CPNE7: variants seen among roughly 807,000 people sequenced by gnomAD.
CPNE7 encodes copine 7.
In CPNE7, 78 loss-of-function variants were observed where a neutral mutation model predicts 66.5. That is an observed-to-expected ratio of 1.17 (90% CI 0.98 to 1.42). The LOEUF (loss-of-function observed/expected upper bound fraction) is 1.42. Among genes scored for constraint, CPNE7 ranks in the 40% most tolerant of loss-of-function variants. The pLI is 0.00. For synonymous variants in CPNE7, 468 were observed against 336.7 expected (o/e 1.39, Z -4.27); for missense variants, 1,012 against 776.6 (o/e 1.30, Z -3.60).
intron 2 of CPNE7, among the ~76,000 whole-genome samples, chr16:89,578,276 G>A (rs1385326437): frequency 6.6e-6 from 1 of 151,876 alleles, no homozygotes; most frequent in Non-Finnish European, 1.5e-5. Flanking sequence ...TGTTGGTCAG[G>A]CTGCTCTTGA....
rs573586264 is a variant in CPNE7, at chr16:89,580,055, G to A, written c.357+2334G>A. Among the ~76,000 whole-genome samples the A allele has an allele frequency of 1.2e-3, 54 of 44,108 alleles. 4 individuals carry two copies. Among genetic ancestry groups the A allele is most frequent in the African/African-American group, 2.4e-3 (41 of 17,262 alleles). The allele number at this position is 44,108 out of a possible 152,430, so 28.9% of individuals were successfully genotyped here. A position where few individuals can be genotyped will look rare whatever the true frequency, so the allele number is the denominator to read the frequency against. On this transcript the variant is annotated intron_variant, in intron 2 of 14. Coordinates refer to ENST00000319518, the MANE Select transcript of CPNE7 (RefSeq NM_153636.3). ...CCCGCTGACACGGAACATCTCACCCGTCACACGGAACATCCCATCACCTGC... is the reference window on the plus strand; with the variant it reads ...CCCGCTGACACGGAACATCTCACCCATCACACGGAACATCCCATCACCTGC...
intron 9 of CPNE7, 22 bp downstream of exon 9, chr16:89,587,124 A>AGTCCG (rs2059056983): frequency 1.9e-6 from 2 of 1,033,210 alleles, no homozygotes; most frequent in South Asian, 1.9e-5. Context: ...GCCCCGCCCC[A>AGTCCG]TGCCGCCCCC....
Position 89,596,495 on chromosome 16 carries a change from G to T in CPNE7, c.1551G>T (p.Ala517=), listed in dbSNP as rs150709771. The T allele has an allele frequency of 1.9e-6, 3 of 1,608,230 alleles. No homozygotes were observed. The Admixed American group carries it at 5.0e-5, about 27-fold the overall frequency. ...PFRELKNASP[A]ALAKCVLAEV... ...GTCCCATCCTCCAGGCATCCCCTGC[G>T]GCGCTGGCCAAGTGCGTGCTGGCCG... The change falls in exon 15 of 15, where the codon GCG becomes GCT. Residue 517 remains alanine, a synonymous_variant. Transcript: ENST00000319518.
intron 2 of CPNE7, among the ~76,000 whole-genome samples, chr16:89,582,941 C>T (rs993948215): frequency 1.2e-4 from 19 of 152,376 alleles, no homozygotes; most frequent in African/African-American, 4.1e-4. Flanking sequence ...CTTTCGGACA[C>T]GGAGCCTGGG....
intron 14 of CPNE7, 90 bp downstream of exon 14, chr16:89,595,693 A>C: frequency 8.6e-7 from 1 of 1,158,406 alleles, no homozygotes; most frequent in Non-Finnish European, 1.3e-6. Flanking sequence ...GGCTCACGCC[A>C]GTGGATGTGG....
rs112788276 is a variant in CPNE7, at chr16:89,580,409, C to T, written c.357+2688C>T. Among the ~76,000 whole-genome samples, 102 of 126,304 alleles carry T rather than the reference C, an allele frequency of 8.1e-4. 3 individuals carry two copies. The highest frequency in any genetic ancestry group is 1.0e-3 in the Non-Finnish European group (60 of 59,842). 82.9% of individuals were successfully genotyped at this position (126,304 alleles called of 152,430 possible). ...ATGGAACATCCCATCACCCGTCACA[C>T]GGAACATCCCATCACCCATCACACA... is the stretch of plus-strand genomic sequence containing the variant. On this transcript the variant is annotated intron_variant, in intron 2 of 14. Coordinates refer to ENST00000319518, the MANE Select transcript of CPNE7 (RefSeq NM_153636.3).
intron 2 of CPNE7, chr16:89,583,495 G>T: frequency 6.4e-7 from 1 of 1,555,920 alleles, no homozygotes; most frequent in Non-Finnish European, 8.7e-7. Context: ...TGAGGTGGTG[G>T]ACGTGCAGGG....
At chr16:89,583,464 C>T in intron 2 of CPNE7, 1 of 1,550,808 alleles carries the variant, frequency 6.4e-7, no homozygotes, top group East Asian at 2.4e-5. Flanking sequence ...CTCTGCCTCC[C>T]CTGGGCGACT....
rs2059242775 is a variant in CPNE7, at chr16:89,595,617, A to C, written c.1539+14A>C. 6.3e-7 allele frequency: 1 copy of C among 1,591,824 alleles called. No homozygotes were observed. The highest frequency in any genetic ancestry group is 1.1e-5 in the South Asian group (1 of 89,644). ...GAGCTCAAGAACGTGAGTGTCCTGG[A>C]GGGGCTCCGTCAAGGCCGGCTTGGG... On this transcript the variant is annotated intron_variant, in intron 14 of 14. Transcript: ENST00000319518.
chr16:89,582,001 A>C (rs2058964981), intron 2 of CPNE7, among the ~76,000 whole-genome samples: 1 of 152,226 alleles, frequency 6.6e-6, no homozygotes, highest in African/African-American at 2.4e-5. Context: ...CGTGCAGGAC[A>C]TCCTATGCCT....
chr16:89,580,124 C>T lies in CPNE7; in HGVS notation c.357+2403C>T, dbSNP rs373882541. Reference sequence around the variant, plus strand: ...CCATCACACAGAACATCCCGTCACCCGCTGACACAGAACATCTCACCCGTC... The same window carrying T: ...CCATCACACAGAACATCCCGTCACCTGCTGACACAGAACATCTCACCCGTC... On this transcript the variant is annotated intron_variant, in intron 2 of 14. Coordinates refer to ENST00000319518, the MANE Select transcript of CPNE7 (RefSeq NM_153636.3). Among the ~76,000 whole-genome samples the T allele has an allele frequency of 9.3e-5, 5 of 53,658 alleles. 1 individual carries two copies. In the East Asian group the frequency reaches 1.4e-3, roughly 15 times the overall value. The allele number at this position is 53,658 out of a possible 152,430, so 35.2% of individuals were successfully genotyped here. A position where few individuals can be genotyped will look rare whatever the true frequency, so the allele number is the denominator to read the frequency against.
At position 89,596,771 on chromosome 16, in the gene CPNE7, T is replaced by G. The variant is rs549188633; in HGVS notation, c.*150T>G. ...ACTCCCAGTCCTCCTGGGATCCTGCTGGCTTGGGCCCGGCTCTGGGGCCCC... is the reference window on the plus strand; with the variant it reads ...ACTCCCAGTCCTCCTGGGATCCTGCGGGCTTGGGCCCGGCTCTGGGGCCCC... On this transcript the variant is annotated 3_prime_UTR_variant, in exon 15 of 15. Coordinates refer to ENST00000319518, the MANE Select transcript of CPNE7 (RefSeq NM_153636.3). 1 of 1,080,414 alleles carries G rather than the reference T, an allele frequency of 9.3e-7. No individual in the cohort carries two copies. The highest frequency in any genetic ancestry group is 2.2e-5 in the South Asian group (1 of 45,194). The allele number at this position is 1,080,414 out of a possible 1,614,324, so 66.9% of individuals were successfully genotyped here. A position where few individuals can be genotyped will look rare whatever the true frequency, so the allele number is the denominator to read the frequency against.
chr16:89,595,200 C>G (rs1449133663), intron 13 of CPNE7, among the ~76,000 whole-genome samples, 167 bp from the exon 14 acceptor site: 2 of 152,134 alleles, frequency 1.3e-5, no homozygotes, highest in African/African-American at 4.8e-5. Context: ...GGGCTCCTGA[C>G]CCACTGTTGT....
At chr16:89,585,002 C>T (rs2059012986) in intron 5 of CPNE7, 145 bp downstream of exon 5, 4 of 738,136 alleles carry the variant, frequency 5.4e-6, no homozygotes, top group Non-Finnish European at 8.9e-6. Flanking sequence ...GGCCAGAATC[C>T]AACAGGGAGC....
chr16:89,576,559 G>T (rs2058863284), intron 1 of CPNE7, among the ~76,000 whole-genome samples: 1 of 152,204 alleles, frequency 6.6e-6, no homozygotes. Flanking sequence ...AAGCGAACCC[G>T]CTGTGATCGC....
rs575195504 is a variant in CPNE7 at position 89,578,188 on chromosome 16, C to T, written c.357+467C>T. Among the ~76,000 whole-genome samples, 22 of 151,714 alleles carry T rather than the reference C, an allele frequency of 1.5e-4. No homozygotes were observed. The East Asian group carries it at 4.3e-3, about 30-fold the overall frequency. ...CAAGCGATTCTCCTGCCTCAGCCTC[C>T]TGAGTAGCTGGGATTACAGGCACCC... On this transcript the variant is annotated intron_variant, in intron 2 of 14. Transcript: ENST00000319518.
chr16:89,589,803 G>T, intron 10 of CPNE7, 94 bp from the exon 11 acceptor site: 1 of 1,407,056 alleles, frequency 7.1e-7, no homozygotes, highest in East Asian at 2.4e-5. Flanking sequence ...GGCACCCCCA[G>T]TCTTTTGGGC....
chr16:89,588,687 T>C lies in CPNE7; in HGVS notation c.940T>C (p.Phe314Leu). Residue 314 changes from phenylalanine (F) to leucine (L), a missense_variant, in exon 10 of 15, where the codon TTC (phenylalanine) becomes CTC (leucine). By Grantham distance (22) the Phe-to-Leu change is conservative. Transcript: ENST00000319518. ...CQIHFTVAID[F>L]TASNGDPRNS... ...CGGCCCACTGCAGGTGGCCATTGAC[T>C]TCACCGCCTCCAATGGAGACCCGCG... The C allele has an allele frequency of 6.2e-7, 1 of 1,613,246 alleles. No homozygotes were observed. The highest frequency in any genetic ancestry group is 1.1e-5 in the South Asian group (1 of 91,088).
At chr16:89,577,781 C>A in intron 2 of CPNE7, 60 bp downstream of exon 2, 2 of 1,513,684 alleles carry the variant, frequency 1.3e-6, no homozygotes, top group South Asian at 1.2e-5. Context: ...ACAGCCGATT[C>A]AAGGCTGATG....
Sources: allele counts gnomAD v4.1 joint callset (sites outside exome capture counted in the v4.1 genomes callset), GRCh38; gene constraint gnomAD v4.1.1; transcripts MANE v1.5; gene names NCBI Gene and HGNC (gene_info 2026-07-23, HGNC 2026-07-21).